Variants in GLMN observed in about 807,000 individuals in gnomAD.
GLMN encodes the protein glomulin, FKBP associated protein, also known as glomulin.
In GLMN, 75 loss-of-function variants were observed where a neutral mutation model predicts 87.8. That is an observed-to-expected ratio of 0.85 (90% CI 0.71 to 1.04). GLMN has a LOEUF of 1.04. Among genes scored for constraint, GLMN ranks in the 50% least tolerant of loss-of-function variants. The probability of loss-of-function intolerance (pLI) is 0.00; values close to 1 mark genes in which losing one functional copy is unlikely to be tolerated. For missense variants in GLMN, 588 were observed against 658.8 expected (o/e 0.89, Z 1.18); for synonymous variants, 206 against 221.6 (o/e 0.93, Z 0.63).
chr1:92,302,646 G>GGC (rs957295318), upstream of GLMN, among the ~76,000 whole-genome samples: 21 of 113,406 alleles, frequency 1.9e-4, no homozygotes. Context: ...CTGTCGCCCA[G>GGC]GCTGGAGTGC....
At chr1:92,270,782 TC>T (rs1656159192) in intron 8 of GLMN, among the ~76,000 whole-genome samples, 1 of 152,320 alleles carries the variant, frequency 6.6e-6, no homozygotes, top group African/African-American at 2.4e-5. Context: ...GTGAAGGCTT[TC>T]TTCAGAAAGT....
intron 18 of GLMN, 145 bp from the exon 19 acceptor site, chr1:92,246,791 G>GA: frequency 2.8e-6 from 2 of 706,756 alleles, no homozygotes; most frequent in East Asian, 5.4e-5. Flanking sequence ...TGTGCTTTGG[G>GA]AGGCTGAGCT....
At chr1:92,312,389 A>C in the GLMN span, among the ~76,000 whole-genome samples, 1 of 149,788 alleles carries the variant, frequency 6.7e-6, no homozygotes, top group African/African-American at 2.5e-5. Flanking sequence ...ACTGCACTCC[A>C]GCCTTGGCAA....
the GLMN span, among the ~76,000 whole-genome samples, chr1:92,364,507 A>G: frequency 4.6e-5 from 7 of 151,760 alleles, no homozygotes; most frequent in South Asian, 2.1e-4. Flanking sequence ...ATTTTTTTTT[A>G]TTTTTTGCTG....
chr1:92,315,807 G>A, the GLMN span, among the ~76,000 whole-genome samples: 2 of 152,118 alleles, frequency 1.3e-5, no homozygotes, highest in Admixed American at 6.5e-5. Flanking sequence ...GAGTAGATCC[G>A]TAATGTCATG....
chr1:92,255,341 CA>C (rs1325244089), intron 16 of GLMN, among the ~76,000 whole-genome samples: 1 of 152,142 alleles, frequency 6.6e-6, no homozygotes, highest in African/African-American at 2.4e-5. Flanking sequence ...CAATATCAGA[CA>C]GATCAACAAG....
chr1:92,356,140 T>G, the GLMN span, among the ~76,000 whole-genome samples: 1 of 152,094 alleles, frequency 6.6e-6, no homozygotes, highest in Non-Finnish European at 1.5e-5. Flanking sequence ...TTTTATTTAT[T>G]TATTTTTTAA....
chr1:92,289,982 A>C (rs559220745), intron 5 of GLMN, among the ~76,000 whole-genome samples: 1 of 152,320 alleles, frequency 6.6e-6, no homozygotes, highest in Non-Finnish European at 1.5e-5. Context: ...ATAGTATGAC[A>C]TTCAACAGAA....
chr1:92,249,811 T>A (rs989019659), intron 16 of GLMN, among the ~76,000 whole-genome samples: 1 of 152,156 alleles, frequency 6.6e-6, no homozygotes, highest in Non-Finnish European at 1.5e-5. Flanking sequence ...CAATCAATCA[T>A]TCTATATTCT....
At chr1:92,278,581 C>G (rs1297279343) in intron 7 of GLMN, among the ~76,000 whole-genome samples, 1 of 152,176 alleles carries the variant, frequency 6.6e-6, no homozygotes, top group Non-Finnish European at 1.5e-5. Context: ...TGCAACCCTT[C>G]AAAAGACTAC....
chr1:92,283,912 C>T (rs561550675), intron 7 of GLMN, among the ~76,000 whole-genome samples: 8 of 151,942 alleles, frequency 5.3e-5, no homozygotes, highest in African/African-American at 1.2e-4. Flanking sequence ...CCAACTTACA[C>T]GGGATGTGAA....
At chr1:92,321,264 T>TC in the GLMN span, among the ~76,000 whole-genome samples, 1 of 152,176 alleles carries the variant, frequency 6.6e-6, no homozygotes, top group African/African-American at 2.4e-5. Context: ...GCCTTAAAAC[T>TC]CCAAGAGAAA....
the GLMN span, among the ~76,000 whole-genome samples, chr1:92,330,892 G>A: frequency 6.6e-6 from 1 of 152,154 alleles, no homozygotes; most frequent in African/African-American, 2.4e-5. Flanking sequence ...TGTTAGAAAT[G>A]CAGACTCTTA....
At chr1:92,361,159 G>A in the GLMN span, among the ~76,000 whole-genome samples, 3,454 of 149,054 alleles carry the variant, frequency 0.023, 53 homozygotes, top group Middle Eastern at 0.042. Flanking sequence ...ACACACACAC[G>A]TAAGTTTCTA....
the GLMN span, among the ~76,000 whole-genome samples, chr1:92,344,273 C>T: frequency 6.1e-4 from 93 of 152,162 alleles, no homozygotes; most frequent in African/African-American, 1.9e-3. Context: ...GGCGTGGTGG[C>T]ATATGCCTGT....
chr1:92,367,024 C>A, the GLMN span, among the ~76,000 whole-genome samples: 2 of 152,138 alleles, frequency 1.3e-5, no homozygotes, highest in Admixed American at 6.5e-5. Context: ...TACTGCCATG[C>A]AGGAAGAAAA....
chr1:92,337,448 C>G, the GLMN span, among the ~76,000 whole-genome samples: 1 of 152,030 alleles, frequency 6.6e-6, no homozygotes, highest in Non-Finnish European at 1.5e-5. Flanking sequence ...CTAGAAAGAG[C>G]TTTGTATCTA....
chr1:92,370,623 G>C, the GLMN span, among the ~76,000 whole-genome samples: 1 of 151,414 alleles, frequency 6.6e-6, no homozygotes, highest in Non-Finnish European at 1.5e-5. Context: ...AATCATGTAG[G>C]TAGTTTATTA....
intron 1 of GLMN, 59 bp downstream of exon 1, chr1:92,298,866 G>A: frequency 2.5e-6 from 1 of 399,952 alleles, no homozygotes; most frequent in South Asian, 1.0e-4. Context: ...CAAGTCCGCC[G>A]CGGCTCACGG....
Sources: allele counts gnomAD v4.1 joint callset (sites outside exome capture counted in the v4.1 genomes callset), GRCh38; gene constraint gnomAD v4.1.1; transcripts MANE v1.5; gene names NCBI Gene and HGNC (gene_info 2026-07-23, HGNC 2026-07-21).